The following TTYH2 variants were observed in gnomAD, a reference collection of about 807,000 sequenced individuals.
TTYH2 encodes protein tweety homolog 2.
A neutral mutation model predicts 68.3 loss-of-function variants in TTYH2; 49 were observed. The observed-to-expected ratio is 0.72, with a 90% CI of 0.57 to 0.91. The LOEUF (loss-of-function observed/expected upper bound fraction) is 0.91, where lower values mean the gene tolerates loss of function less well. TTYH2 is among the 40% of genes least tolerant of loss of function. The pLI, the probability that TTYH2 is intolerant of heterozygous loss-of-function variation, is 0.00. For synonymous variants in TTYH2, 272 were observed against 300.8 expected (o/e 0.90, Z 0.99); for missense variants, 631 against 700.4 (o/e 0.90, Z 1.12).
chr17:74,222,553 C>T lies in TTYH2; in HGVS notation c.198C>T (p.Tyr66=), dbSNP rs781006324. 4 of 1,612,812 alleles carry T rather than the reference C, an allele frequency of 2.5e-6. No homozygotes were observed. Among genetic ancestry groups the T allele is most frequent in the Non-Finnish European group, 3.4e-6 (4 of 1,180,014 alleles). Residue 66 remains tyrosine, a synonymous_variant, in exon 2 of 14, where the codon TAC becomes TAT. Coordinates refer to ENST00000269346, the MANE Select transcript of TTYH2 (RefSeq NM_032646.6). This position sits in a 1 kb window ranked among gnomAD's most constrained non-coding sequence, Gnocchi z 5.2. ...LGLNLIFLVA[Y]LVCACHCRRD... ...TGAACCTCATCTTCCTTGTGGCTTA[C>T]CTGGTCTGTGCATGCCACTGCCGGC...
intron 6 of TTYH2, chr17:74,248,758 G>A (rs1261312139): frequency 7.2e-7 from 1 of 1,390,460 alleles, no homozygotes; most frequent in Non-Finnish European, 9.3e-7. Flanking sequence ...TACTTGCATT[G>A]GGTGAATAGC....
rs868757448 is a variant in TTYH2 at position 74,214,982 on chromosome 17, G to A, written c.129+1266G>A. ...CCTACCAGAGGGAGGGGAGCATCAG[G>A]ACCCCTTCCTGGGGTTCAGTGGGCA... On this transcript the variant is annotated intron_variant, in intron 1 of 13. Transcript: ENST00000269346. This position sits in a 1 kb window ranked among gnomAD's most constrained non-coding sequence, Gnocchi z 4.6. Among the ~76,000 whole-genome samples the A allele has an allele frequency of 6.6e-6, 1 of 152,094 alleles. No individual in the cohort carries two copies. The highest frequency in any genetic ancestry group is 2.4e-5 in the African/African-American group (1 of 41,398).
chr17:74,233,777 A>G (rs1270454797), intron 3 of TTYH2, among the ~76,000 whole-genome samples: 1 of 152,006 alleles, frequency 6.6e-6, no homozygotes, highest in African/African-American at 2.4e-5. Context: ...TGCACGCCCC[A>G]GTCTAGGGGA....
intron 2 of TTYH2, 21 bp from the exon 3 acceptor site, chr17:74,230,867 T>C: frequency 4.3e-6 from 7 of 1,612,918 alleles, no homozygotes; most frequent in African/African-American, 1.3e-5. Flanking sequence ...CTCTAACCTC[T>C]GTTTGGGATC....
intron 2 of TTYH2, among the ~76,000 whole-genome samples, chr17:74,230,419 C>G (rs2050376391): frequency 6.6e-6 from 1 of 151,924 alleles, no homozygotes; most frequent in Admixed American, 6.6e-5. Context: ...TCCATATGTC[C>G]AAACCTATAG....
intron 1 of TTYH2, among the ~76,000 whole-genome samples, chr17:74,218,261 C>T (rs2050240619): frequency 1.3e-5 from 2 of 152,096 alleles, no homozygotes; most frequent in African/African-American, 4.8e-5. Context: ...CTTTCTTCTT[C>T]CCTTCCCAAT....
chr17:74,231,730 G>C (rs550214087), intron 3 of TTYH2, among the ~76,000 whole-genome samples: 4 of 152,168 alleles, frequency 2.6e-5, no homozygotes, highest in African/African-American at 4.8e-5. Context: ...AGGTAGTGGA[G>C]ACCTGCCCCA....
chr17:74,230,037 A>G (rs1183980890), intron 2 of TTYH2, among the ~76,000 whole-genome samples: 1 of 152,194 alleles, frequency 6.6e-6, no homozygotes, highest in Non-Finnish European at 1.5e-5. Context: ...AGGCTGAGGC[A>G]GGAGAATCAC....
chr17:74,242,471 C>T (rs1194780061), intron 4 of TTYH2, among the ~76,000 whole-genome samples: 1 of 152,184 alleles, frequency 6.6e-6, no homozygotes, highest in East Asian at 1.9e-4. Flanking sequence ...CAGCTCACTG[C>T]AACCTCTGCC....
Position 74,250,972 on chromosome 17 carries a change from A to G in TTYH2, c.1116+615A>G, listed in dbSNP as rs182218241. ...ACAGTTATACTGTGAACCACACGTT[A>G]TTTCCTAGGAAATTGACTTGCTTGT... On this transcript the variant is annotated intron_variant, in intron 10 of 13. Coordinates refer to ENST00000269346, the MANE Select transcript of TTYH2 (RefSeq NM_032646.6). Among the ~76,000 whole-genome samples, 205 of 152,202 alleles carry G rather than the reference A, an allele frequency of 1.3e-3. 2 individuals are homozygous for G. The highest frequency in any genetic ancestry group is 6.8e-3 in the Middle Eastern group (2 of 294).
At chr17:74,230,743 C>A (rs2050379809) in intron 2 of TTYH2, 145 bp from the exon 3 acceptor site, 2 of 701,124 alleles carry the variant, frequency 2.9e-6, no homozygotes, top group Non-Finnish European at 4.6e-6. Flanking sequence ...TGGGTTCAAG[C>A]AATTCTATGC....
At chr17:74,230,117 C>T (rs183586930) in intron 2 of TTYH2, among the ~76,000 whole-genome samples, 6 of 151,792 alleles carry the variant, frequency 4.0e-5, no homozygotes, top group African/African-American at 9.7e-5. Context: ...GGCAACAGAG[C>T]GAAACTCTGT....
intron 9 of TTYH2, 109 bp from the exon 10 acceptor site, chr17:74,250,156 G>A (rs1444662115): frequency 1.2e-5 from 18 of 1,458,860 alleles, no homozygotes; most frequent in East Asian, 2.4e-5. Flanking sequence ...CCCGTGACTC[G>A]GCTCCCTCCC....
chr17:74,248,960 C>T, intron 6 of TTYH2, 51 bp from the exon 7 acceptor site: 13 of 1,613,140 alleles, frequency 8.1e-6, no homozygotes, highest in Non-Finnish European at 1.0e-5. Flanking sequence ...CAGGGCCCCG[C>T]TGTCCTGATA....
intron 3 of TTYH2, 38 bp from the exon 4 acceptor site, chr17:74,237,256 C>A: frequency 6.2e-7 from 1 of 1,601,558 alleles, no homozygotes; most frequent in Non-Finnish European, 8.5e-7. Context: ...GAATCAGAAG[C>A]TCTACCTCCA....
intron 2 of TTYH2, among the ~76,000 whole-genome samples, chr17:74,225,836 C>A (rs1319302549): frequency 1.3e-5 from 2 of 150,610 alleles, no homozygotes; most frequent in African/African-American, 5.0e-5. Context: ...TAATGGAGAA[C>A]AGGGCAGGGG....
Position 74,222,007 on chromosome 17 carries a change from G to A in TTYH2, c.130-478G>A, listed in dbSNP as rs970169670. On this transcript the variant is annotated intron_variant, in intron 1 of 13. Transcript: ENST00000269346. This position sits in a 1 kb window ranked among gnomAD's most constrained non-coding sequence, Gnocchi z 5.2. ...ACAGATACACAGGGCTGTCCTTCCA[G>A]GCCCTGCCTCAGTGGCACTCAGCGC... 6.6e-6 allele frequency among the ~76,000 whole-genome samples: 1 copy of A among 152,188 alleles called. No individual in the cohort carries two copies. Among genetic ancestry groups the A allele is most frequent in the Admixed American group, 6.5e-5 (1 of 15,282 alleles).
In TTYH2 at chr17:74,215,483, C is replaced by T; in HGVS notation, c.129+1767C>T. 1.4e-6 allele frequency: 1 copy of T among 711,046 alleles called. No individual in the cohort carries two copies. Among genetic ancestry groups the T allele is most frequent in the Non-Finnish European group, 2.3e-6 (1 of 434,638 alleles). 44.0% of individuals were successfully genotyped at this position (711,046 alleles called of 1,614,324 possible). On this transcript the variant is annotated intron_variant, in intron 1 of 13. Coordinates refer to ENST00000269346, the MANE Select transcript of TTYH2 (RefSeq NM_032646.6). This position sits in a 1 kb window ranked among gnomAD's most constrained non-coding sequence, Gnocchi z 4.3. Reference sequence around the variant, plus strand: ...GAACCTACCTCCAGCCTCTGCCCCTCCTCCCAGGATTCTGGCCCCGGCTCA... The same window carrying T: ...GAACCTACCTCCAGCCTCTGCCCCTTCTCCCAGGATTCTGGCCCCGGCTCA...
Position 74,249,416 on chromosome 17 carries a change from C to T in TTYH2, c.930+17C>T. On this transcript the variant is annotated intron_variant, in intron 8 of 13. Coordinates refer to ENST00000269346, the MANE Select transcript of TTYH2 (RefSeq NM_032646.6). ...TTCCAGCAGGTATGGCCCCCCGAGGCCTGCCCTCACCCTGCCCACAGCCGC... is the reference window on the plus strand; with the variant it reads ...TTCCAGCAGGTATGGCCCCCCGAGGTCTGCCCTCACCCTGCCCACAGCCGC... The T allele has an allele frequency of 1.2e-6, 2 of 1,613,068 alleles. No individual in the cohort carries two copies. The highest frequency in any genetic ancestry group is 1.7e-6 in the Non-Finnish European group (2 of 1,179,828).
Sources: gnomAD v4.1 joint callset for allele counts (sites outside exome capture counted in the v4.1 genomes callset) on GRCh38, gnomAD v4.1.1 for gene constraint, Gnocchi (gnomAD v3.1) non-coding constraint, MANE v1.5 for transcripts, NCBI Gene and HGNC (gene_info 2026-07-23, HGNC 2026-07-21) for gene names.